The following PCDH19 variants were observed in gnomAD, a reference collection of about 807,000 sequenced individuals.
The protein encoded by PCDH19 is protocadherin 19.
In PCDH19, 6 loss-of-function variants were observed where a neutral mutation model predicts 46.2. The observed-to-expected ratio is 0.13, with a 90% CI of 0.07 to 0.26. PCDH19 has a LOEUF of 0.26. Among genes scored for constraint, PCDH19 ranks in the 10% least tolerant of loss-of-function variants. The probability of loss-of-function intolerance (pLI) is 1.00; values close to 1 mark genes in which losing one functional copy is unlikely to be tolerated. For synonymous variants in PCDH19, 481 were observed against 415.7 expected (o/e 1.16, Z -1.91); for missense variants, 740 against 972.3 (o/e 0.76, Z 3.18).
intron 3 of PCDH19, among the ~76,000 whole-genome samples, chrX:100,393,587 G>A (rs1343533827): frequency 1.8e-5 from 2 of 108,261 alleles, no homozygotes; most frequent in Admixed American, 1.0e-4. Context: ...TCTTCCTGTC[G>A]GCTTACACAG....
chrX:100,324,762 C>A (rs1275335465), intron 5 of PCDH19, among the ~76,000 whole-genome samples: 3 of 111,097 alleles, frequency 2.7e-5, no homozygotes, highest in Non-Finnish European at 3.8e-5. Flanking sequence ...GAGACAGGAA[C>A]CCAGGGAGAA....
At chrX:100,342,419 T>C (rs1295801688) in intron 4 of PCDH19, among the ~76,000 whole-genome samples, 2 of 112,237 alleles carry the variant, frequency 1.8e-5, no homozygotes, top group Non-Finnish European at 3.8e-5. Context: ...AAAATAATAA[T>C]AGCTAGTGTT....
intron 3 of PCDH19, among the ~76,000 whole-genome samples, chrX:100,400,572 G>A (rs1285181172): frequency 1.8e-5 from 2 of 112,444 alleles, no homozygotes; most frequent in African/African-American, 6.5e-5. Context: ...AGTAGTCTAC[G>A]GCCTAGGCCT....
intron 4 of PCDH19, among the ~76,000 whole-genome samples, chrX:100,344,456 T>C (rs1408411197): frequency 9.1e-6 from 1 of 110,295 alleles, no homozygotes; most frequent in Admixed American, 9.8e-5. Context: ...TTAGAAATTA[T>C]TCTCTGTCAC....
At chrX:100,359,792 AGTGTGT>A (rs200497239) in intron 3 of PCDH19, among the ~76,000 whole-genome samples, 4 of 91,631 alleles carry the variant, frequency 4.4e-5, no homozygotes, top group African/African-American at 1.4e-4. Context: ...CACATATAAG[AGTGTGT>A]GTGTGTGTGT....
intron 5 of PCDH19, among the ~76,000 whole-genome samples, chrX:100,333,789 ATTTT>A (rs370118055): frequency 1.2e-5 from 1 of 82,190 alleles, no homozygotes. Context: ...TTTCCTCTTC[ATTTT>A]TTTTTTTTTT....
intron 4 of PCDH19, among the ~76,000 whole-genome samples, chrX:100,342,544 G>GA (rs1399608418): frequency 4.0e-4 from 44 of 111,232 alleles, no homozygotes; most frequent in African/African-American, 1.3e-3. Flanking sequence ...ATTTGCAGAT[G>GA]AAAAAAAACA....
chrX:100,365,300 C>T (rs781649462), intron 3 of PCDH19, among the ~76,000 whole-genome samples: 1 of 111,242 alleles, frequency 9.0e-6, no homozygotes, highest in Non-Finnish European at 1.9e-5. Flanking sequence ...GAGCAAGAAC[C>T]TAAGACTCCT....
At chrX:100,385,829 G>A (rs1452489871) in intron 3 of PCDH19, among the ~76,000 whole-genome samples, 2 of 111,133 alleles carry the variant, frequency 1.8e-5, no homozygotes, top group Non-Finnish European at 3.8e-5. Flanking sequence ...GGGAGGCAGA[G>A]TTTGCAGTGA....
chrX:100,360,653 T>C (rs1478941878), intron 3 of PCDH19, among the ~76,000 whole-genome samples: 1 of 112,167 alleles, frequency 8.9e-6, no homozygotes, highest in Non-Finnish European at 1.9e-5. Flanking sequence ...AAACTCAGAT[T>C]CCATGGTTGC....
chrX:100,342,647 G>A (rs1041131581), intron 4 of PCDH19, among the ~76,000 whole-genome samples: 15 of 112,045 alleles, frequency 1.3e-4, no homozygotes, highest in Non-Finnish European at 1.3e-4. Context: ...TCTAGCTCCA[G>A]AGCCTGCCTA....
At chrX:100,325,367 ATC>A (rs1475801631) in intron 5 of PCDH19, among the ~76,000 whole-genome samples, 6 of 80,666 alleles carry the variant, frequency 7.4e-5, no homozygotes, top group African/African-American at 2.3e-4. Context: ...GACTATAATG[ATC>A]TTTTTTTTTT....
At chrX:100,391,974 A>G (rs1322474519) in intron 3 of PCDH19, among the ~76,000 whole-genome samples, 2 of 111,876 alleles carry the variant, frequency 1.8e-5, no homozygotes. Context: ...TGGAAACATC[A>G]CACACATTTA....
At chrX:100,301,456 G>T (rs144793962) in intron 5 of PCDH19, among the ~76,000 whole-genome samples, 5 of 112,168 alleles carry the variant, frequency 4.5e-5, no homozygotes, top group African/African-American at 1.6e-4. Context: ...TGCAATCAAT[G>T]AATCAGAAAG....
Position 100,293,143 on chromosome X carries a change from CTT to C in PCDH19, c.*3132_*3133del, listed in dbSNP as rs967272297. 26 of 112,058 alleles carry C rather than the reference CTT, an allele frequency of 2.3e-4. No individual in the cohort carries two copies. Among genetic ancestry groups the C allele is most frequent in the African/African-American group, 7.4e-4 (23 of 30,878 alleles). 9.2% of individuals were successfully genotyped at this position (112,058 alleles called of 1,213,427 possible). A position where few individuals can be genotyped will look rare whatever the true frequency, so the allele number is the denominator to read the frequency against. On this transcript the variant is annotated 3_prime_UTR_variant, in exon 6 of 6. Coordinates refer to ENST00000373034, the MANE Select transcript of PCDH19 (RefSeq NM_001184880.2). ...GAAGTAACACTATCAAGATGATACT[CTT>C]GAGTGGTTCCAATTTTCAGAGATCT...
chrX:100,312,098 A>T (rs1357131698), intron 5 of PCDH19, among the ~76,000 whole-genome samples: 2 of 91,952 alleles, frequency 2.2e-5, no homozygotes, highest in Non-Finnish European at 4.7e-5. Flanking sequence ...TTTTTTCCTA[A>T]AACATTGAGA....
At position 100,294,367 on chromosome X, in the gene PCDH19, G is replaced by C. The variant is rs1357217315; in HGVS notation, c.*1910C>G. 2 of 111,306 alleles carry C rather than the reference G, an allele frequency of 1.8e-5. No individual in the cohort carries two copies. The highest frequency in any genetic ancestry group is 6.6e-5 in the African/African-American group (2 of 30,524). 9.2% of individuals were successfully genotyped at this position (111,306 alleles called of 1,213,427 possible). On this transcript the variant is annotated 3_prime_UTR_variant, in exon 6 of 6. Coordinates refer to ENST00000373034, the MANE Select transcript of PCDH19 (RefSeq NM_001184880.2). ...CAGCACTGAATAAGAAATAAGGATG[G>C]ATTTGTAGCTTCATTATAAGTTCTT... is the stretch of plus-strand genomic sequence containing the variant.
At chrX:100,389,328 T>G (rs1236865878) in intron 3 of PCDH19, among the ~76,000 whole-genome samples, 1 of 109,188 alleles carries the variant, frequency 9.2e-6, no homozygotes, top group Non-Finnish European at 1.9e-5. Flanking sequence ...CATTAATTAA[T>G]GAATTAATAA....
Position 100,408,124 on chromosome X carries a change from T to A in PCDH19, c.474A>T (p.Ser158=). 1 of 1,211,333 alleles carries A rather than the reference T, an allele frequency of 8.3e-7. No homozygotes were observed. Residue 158 remains serine, a synonymous_variant, in exon 1 of 6, where the codon TCA becomes TCT. Coordinates refer to ENST00000373034, the MANE Select transcript of PCDH19 (RefSeq NM_001184880.2). The part of the protein sequence containing the change: ...IPLDSAYDPD[S]GSFGVQTYEL... The stretch of plus-strand genomic sequence containing the variant: ...CGTAAGTCTGCACGCCAAAGCTTCC[T>A]GAGTCTGGATCGTAAGCGCTGTCCA...
Sources: allele counts gnomAD v4.1 joint callset (sites outside exome capture counted in the v4.1 genomes callset), GRCh38; gene constraint gnomAD v4.1.1; transcripts MANE v1.5; gene names NCBI Gene and HGNC (gene_info 2026-07-23, HGNC 2026-07-21).